ROBO2: variants seen among roughly 807,000 people sequenced by gnomAD.
ROBO2 encodes roundabout homolog 2.
A neutral mutation model predicts 160.8 loss-of-function variants in ROBO2; 53 were observed. That is an observed-to-expected ratio of 0.33 (90% CI 0.26 to 0.41). The LOEUF is 0.41. ROBO2 is among the 10% of genes least tolerant of loss of function. The probability of loss-of-function intolerance (pLI) is 1.00; values close to 1 mark genes in which losing one functional copy is unlikely to be tolerated. For missense variants in ROBO2, 1,577 were observed against 1,722.4 expected (o/e 0.92, Z 1.49); for synonymous variants, 664 against 611.7 (o/e 1.09, Z -1.26).
chr3:77,164,668 G>A (rs1440222964), intron 2 of ROBO2, among the ~76,000 whole-genome samples: 2 of 117,604 alleles, frequency 1.7e-5, no homozygotes, highest in South Asian at 2.9e-4. Context: ...AGGTGGGGGG[G>A]TCAGCCCCCC....
At chr3:75,935,504 C>CT (rs1259307683) in intron 1 of ROBO2, among the ~76,000 whole-genome samples, 1 of 151,870 alleles carries the variant, frequency 6.6e-6, no homozygotes, top group African/African-American at 2.4e-5. Context: ...CAGAGGGAGA[C>CT]TTTAAAAAAT....
intron 2 of ROBO2, among the ~76,000 whole-genome samples, chr3:76,511,948 G>A (rs1041713267): frequency 2.0e-5 from 3 of 152,094 alleles, no homozygotes; most frequent in African/African-American, 7.2e-5. Context: ...GAATCAAGTT[G>A]AGCATGACCA....
At position 76,752,239 on chromosome 3, in the gene ROBO2, G is replaced by A. The variant is rs145423060; in HGVS notation, c.110-345775G>A. On this transcript the variant is annotated intron_variant, in intron 2 of 26. Transcript: ENST00000487694. ...CACTCATAGGTGGGAATTAAACAAT[G>A]AGAACACTTGGACACAAGGTGGGGA... 3.7e-3 allele frequency among the ~76,000 whole-genome samples: 558 copies of A among 150,070 alleles called. 1 individual carries two copies. The highest frequency in any genetic ancestry group is 0.014 in the South Asian group (65 of 4,616).
chr3:76,512,350 C>A (rs2081141171), intron 2 of ROBO2, among the ~76,000 whole-genome samples: 1 of 149,446 alleles, frequency 6.7e-6, no homozygotes. Flanking sequence ...TGTACTTTAA[C>A]TCTTTAATCA....
intron 25 of ROBO2, 80 bp downstream of exon 27, chr3:77,644,984 T>G (rs951649236): frequency 1.3e-5 from 18 of 1,393,890 alleles, no homozygotes; most frequent in Non-Finnish European, 1.7e-5. Flanking sequence ...TTAAACAAAT[T>G]TCAGATTAAT....
chr3:75,994,044 G>A (rs556831583), intron 2 of ROBO2, among the ~76,000 whole-genome samples: 25 of 152,208 alleles, frequency 1.6e-4, no homozygotes, highest in African/African-American at 6.0e-4. Context: ...AATATTAAGA[G>A]TATAAAGAAA....
chr3:76,932,706 A>G (rs1291797643), intron 2 of ROBO2, among the ~76,000 whole-genome samples: 1 of 152,224 alleles, frequency 6.6e-6, no homozygotes, highest in Non-Finnish European at 1.5e-5. Flanking sequence ...CTAAATTTTA[A>G]AAGTCAGTAC....
intron 2 of ROBO2, among the ~76,000 whole-genome samples, chr3:77,355,297 A>G (rs1354859474): frequency 6.6e-6 from 1 of 152,026 alleles, no homozygotes; most frequent in African/African-American, 2.4e-5. Flanking sequence ...AGAATATCTT[A>G]TAAATTAGAT....
At chr3:76,645,867 T>G (rs1045556265) in intron 2 of ROBO2, among the ~76,000 whole-genome samples, 1 of 152,220 alleles carries the variant, frequency 6.6e-6, no homozygotes, top group Non-Finnish European at 1.5e-5. Context: ...TATTCCTTCC[T>G]GCATTTATTC....
At chr3:76,319,507 T>C (rs1010929598) in intron 2 of ROBO2, among the ~76,000 whole-genome samples, 112 of 152,060 alleles carry the variant, frequency 7.4e-4, no homozygotes, top group Non-Finnish European at 4.6e-4. Flanking sequence ...AGTTAAATGA[T>C]TATGATGTTG....
chr3:76,925,022 A>C (rs904253643), intron 2 of ROBO2, among the ~76,000 whole-genome samples: 1 of 151,518 alleles, frequency 6.6e-6, no homozygotes, highest in Non-Finnish European at 1.5e-5. Context: ...TCCCGGCTAA[A>C]ACGGTGAAAC....
At chr3:77,556,302 G>C (rs898991769) in intron 8 of ROBO2, among the ~76,000 whole-genome samples, 92 of 151,912 alleles carry the variant, frequency 6.1e-4, no homozygotes, top group African/African-American at 2.2e-3. Context: ...TTCTTAAAAT[G>C]TTTTATTTAG....
exon 13 of ROBO2, chr3:77,568,367 G>A: frequency 6.2e-7 from 1 of 1,613,038 alleles, no homozygotes; most frequent in Non-Finnish European, 8.5e-7. Flanking sequence ...AAAGAGCTAG[G>A]AGATGTCCTT....
intron 2 of ROBO2, among the ~76,000 whole-genome samples, chr3:76,892,677 C>T (rs953553847): frequency 6.6e-6 from 1 of 152,176 alleles, no homozygotes; most frequent in African/African-American, 2.4e-5. Context: ...AATTTTTCAT[C>T]TATTCTTCAC....
chr3:76,050,251 A>G (rs562476909), intron 2 of ROBO2, among the ~76,000 whole-genome samples: 1 of 152,262 alleles, frequency 6.6e-6, no homozygotes, highest in South Asian at 2.1e-4. Flanking sequence ...TCAGGTCTCC[A>G]TCTTTCTCCC....
At chr3:77,476,703 G>A (rs548615099) in intron 2 of ROBO2, among the ~76,000 whole-genome samples, 23 of 152,056 alleles carry the variant, frequency 1.5e-4, no homozygotes, top group Non-Finnish European at 2.5e-4. Context: ...CCAGATTTTC[G>A]GTGGTTACAG....
intron 12 of ROBO2, among the ~76,000 whole-genome samples, chr3:77,567,068 T>A (rs1272594196): frequency 6.6e-6 from 1 of 151,808 alleles, no homozygotes; most frequent in East Asian, 1.9e-4. Flanking sequence ...AACTTCATTT[T>A]ACTGTTTATG....
At chr3:76,842,308 C>A (rs374259638) in intron 2 of ROBO2, among the ~76,000 whole-genome samples, 1 of 152,144 alleles carries the variant, frequency 6.6e-6, no homozygotes, top group East Asian at 1.9e-4. Context: ...TAACTGTGAG[C>A]CAGGCACTGT....
chr3:77,187,652 G>A (rs150680024), intron 2 of ROBO2, among the ~76,000 whole-genome samples: 21 of 151,806 alleles, frequency 1.4e-4, no homozygotes, highest in South Asian at 6.2e-4. Context: ...AAGACTTTAG[G>A]CAATCTCTTC....
Sources: gnomAD v4.1 joint callset for allele counts (sites outside exome capture counted in the v4.1 genomes callset) on GRCh38, gnomAD v4.1.1 for gene constraint, MANE v1.5 for transcripts, NCBI Gene and HGNC (gene_info 2026-07-23, HGNC 2026-07-21) for gene names.